The following SERPINA3 variants were observed in gnomAD, a reference collection of about 807,000 sequenced individuals.
The protein encoded by SERPINA3 is alpha-1-antichymotrypsin.
A neutral mutation model predicts 26.8 loss-of-function variants in SERPINA3; 32 were observed. That is an observed-to-expected ratio of 1.20 (90% CI 0.90 to 1.61). The LOEUF (loss-of-function observed/expected upper bound fraction) is 1.61. SERPINA3 is among the 40% of genes most tolerant of loss of function. The probability of loss-of-function intolerance (pLI) is 0.00; values close to 1 mark genes in which losing one functional copy is unlikely to be tolerated. For missense variants in SERPINA3, 632 were observed against 517.9 expected, an observed-to-expected ratio of 1.22 and a Z score of -2.14; for synonymous variants, 252 against 206.4, an observed-to-expected ratio of 1.22 and a Z score of -1.89.
chr14:94,617,705 C>T (rs1303795260), intron 2 of SERPINA3: 3 of 152,086 alleles, frequency 2.0e-5, no homozygotes, highest in South Asian at 4.1e-4. Flanking sequence ...AAAGTAAAGC[C>T]GTTTGTGACT....
At position 94,614,556 on chromosome 14, in the gene SERPINA3, C is replaced by A. The variant is rs1434956662; in HGVS notation, c.115C>A (p.Gln39Lys). The change falls in exon 2 of 5, where the codon CAA becomes AAA. Residue 39 changes from glutamine to lysine, a missense_variant. Coordinates refer to ENST00000393078, the MANE Select transcript of SERPINA3 (RefSeq NM_001085.5). ...LDEENLTQEN[Q>K]DRGTHVDLGL... ...CGAGGAGAATCTGACCCAGGAGAAC[C>A]AAGACCGAGGGACACACGTGGACCT... 1 of 1,614,024 alleles carries A rather than the reference C, an allele frequency of 6.2e-7. No individual in the cohort carries two copies. Among genetic ancestry groups the A allele is most frequent in the African/African-American group, 1.3e-5 (1 of 74,904 alleles).
In SERPINA3 at chr14:94,623,823, A is replaced by G. The variant is rs1886297170; in HGVS notation, c.*9A>G. 1.9e-6 allele frequency: 3 copies of G among 1,611,992 alleles called. No homozygotes were observed. The highest frequency in any genetic ancestry group is 1.7e-5 in the Admixed American group (1 of 59,994). ...ATCCCAAGCAAGCCTAGAGCTTGCC[A>G]TCAAGCAGTGGGGCTCTCAGTAAGG... On this transcript the variant is annotated 3_prime_UTR_variant, in exon 5 of 5. Transcript: ENST00000393078.
intron 3 of SERPINA3, chr14:94,620,043 T>C (rs1477635392): frequency 1.9e-5 from 5 of 258,538 alleles, no homozygotes; most frequent in Non-Finnish European, 2.9e-5. Flanking sequence ...TTACGTGATA[T>C]ATTAGAAGGT....
At chr14:94,622,637 C>G (rs539954201) in intron 4 of SERPINA3, 146 bp downstream of exon 4, 21 of 871,066 alleles carry the variant, frequency 2.4e-5, no homozygotes, top group Non-Finnish European at 3.9e-5. Flanking sequence ...CACCCCCAAG[C>G]CAAGAAGAGC....
chr14:94,622,684 T>C, intron 4 of SERPINA3, 193 bp downstream of exon 4: 1 of 660,162 alleles, frequency 1.5e-6, no homozygotes, highest in Non-Finnish European at 2.7e-6. Context: ...GTGTTAGGGG[T>C]TGAGCCTCTA....
chr14:94,623,123 G>A (rs1452114299), intron 4 of SERPINA3, among the ~76,000 whole-genome samples: 2 of 152,220 alleles, frequency 1.3e-5, no homozygotes, highest in Non-Finnish European at 2.9e-5. Context: ...AGGAATTCAA[G>A]GCCATGAAAA....
Position 94,614,494 on chromosome 14 carries a change from G to A in SERPINA3, c.53G>A (p.Cys18Tyr), listed in dbSNP as rs1885905769. Residue 18 changes from cysteine to tyrosine, a missense_variant, in exon 2 of 5, where the codon TGC becomes TAC. Physicochemically the swap from Cys to Tyr is radical, Grantham distance 194. Coordinates refer to ENST00000393078, the MANE Select transcript of SERPINA3 (RefSeq NM_001085.5). The stretch of plus-strand genomic sequence containing the variant: ...CTGGGGCTCTTGGCGGCTGGGTTCT[G>A]CCCTGCTGTCCTCTGCCACCCTAAC... ...LALGLLAAGF[C>Y]PAVLCHPNSP... 1.2e-6 allele frequency: 2 copies of A among 1,614,040 alleles called. No homozygotes were observed. The highest frequency in any genetic ancestry group is 1.7e-6 in the Non-Finnish European group (2 of 1,179,970).
At chr14:94,619,520 A>G (rs1159526546) in intron 3 of SERPINA3, 52 bp downstream of exon 3, 1 of 1,608,558 alleles carries the variant, frequency 6.2e-7, no homozygotes, top group Admixed American at 1.7e-5. Flanking sequence ...TCAAGGTCTC[A>G]CCAATGTCCA....
intron 3 of SERPINA3, among the ~76,000 whole-genome samples, chr14:94,620,443 A>G (rs1886158713): frequency 6.6e-6 from 1 of 152,188 alleles, no homozygotes; most frequent in Non-Finnish European, 1.5e-5. Context: ...AGGAGTCCCC[A>G]AAGGGGTGGA....
intron 4 of SERPINA3, among the ~76,000 whole-genome samples, chr14:94,623,386 TG>T (rs903515788): frequency 3.9e-5 from 6 of 152,218 alleles, no homozygotes; most frequent in Non-Finnish European, 8.8e-5. Flanking sequence ...TCGATGGCTC[TG>T]GGCAAATCAT....
Position 94,623,994 on chromosome 14 carries a change from A to G in SERPINA3, c.*180A>G. On this transcript the variant is annotated 3_prime_UTR_variant, in exon 5 of 5. Transcript: ENST00000393078. ...GTAGCTCTCACATGCACAGGGGCCC[A>G]TGGACTCTTCAGTCTGGAGGGTCCT... The G allele has an allele frequency of 3.0e-6, 2 of 667,646 alleles. No individual in the cohort carries two copies. Among genetic ancestry groups the G allele is most frequent in the Non-Finnish European group, 5.4e-6 (2 of 371,426 alleles). 41.4% of individuals were successfully genotyped at this position (667,646 alleles called of 1,614,324 possible).
rs867505258 is a variant in SERPINA3 at position 94,624,047 on chromosome 14, C to T, written c.*233C>T. The T allele has an allele frequency of 2.1e-5, 12 of 578,304 alleles. 1 individual carries two copies. The highest frequency in any genetic ancestry group is 5.9e-5 in the Admixed American group (2 of 33,630). 35.8% of individuals were successfully genotyped at this position (578,304 alleles called of 1,614,324 possible). A position where few individuals can be genotyped will look rare whatever the true frequency, so the allele number is the denominator to read the frequency against. On this transcript the variant is annotated 3_prime_UTR_variant, in exon 5 of 5. Transcript: ENST00000393078. ...GCCTCCTGACAGCAATAAATAATTTCGTTGGACACGTTGCTTGTGCCTTTC... is the reference window on the plus strand; with the variant it reads ...GCCTCCTGACAGCAATAAATAATTTTGTTGGACACGTTGCTTGTGCCTTTC...
rs115413562 is a variant in SERPINA3, at chr14:94,619,295, C to T, written c.744C>T (p.His248=). The part of the protein sequence containing the change: ...WVMVPMMSLH[H]LTIPYFRDEE... ...TGGTGCCCATGATGAGTTTGCATCACCTGACTATACCTTACTTCCGGGACG... is the reference window on the plus strand; with the variant it reads ...TGGTGCCCATGATGAGTTTGCATCATCTGACTATACCTTACTTCCGGGACG... The change falls in exon 3 of 5, where the codon CAC becomes CAT. Residue 248 remains histidine, a synonymous_variant. Transcript: ENST00000393078. 4.6e-4 allele frequency: 749 copies of T among 1,614,194 alleles called. 2 individuals carry two copies. The African/African-American group carries it at 6.2e-3, about 13-fold the overall frequency.
At chr14:94,622,656 A>G in intron 4 of SERPINA3, 165 bp downstream of exon 4, 1 of 748,200 alleles carries the variant, frequency 1.3e-6, no homozygotes, top group Non-Finnish European at 2.3e-6. Flanking sequence ...GCTAGGTTAC[A>G]GCCCAGCTCC....
At chr14:94,619,731 A>G (rs2139961537) in intron 3 of SERPINA3, 1 of 534,918 alleles carries the variant, frequency 1.9e-6, no homozygotes, top group Non-Finnish European at 3.4e-6. Context: ...CACAGTCCCA[A>G]ACACTCATGC....
rs894764655 is a variant in SERPINA3 at position 94,612,613 on chromosome 14, C to T, written c.-9+166C>T. 3.3e-5 allele frequency among the ~76,000 whole-genome samples: 5 copies of T among 152,306 alleles called. No individual in the cohort carries two copies. In the South Asian group the frequency reaches 1.0e-3, roughly 32 times the overall value. On this transcript the variant is annotated intron_variant, in intron 1 of 4. Coordinates refer to ENST00000393078, the MANE Select transcript of SERPINA3 (RefSeq NM_001085.5). ...TCTGTTCTTGGCTGCCACTGATTCC[C>T]TGTGCCTTTTTTAGAGGCATCCTCT... is the stretch of plus-strand genomic sequence containing the variant.
chr14:94,614,903 G>T lies in SERPINA3; in HGVS notation c.462G>T (p.Thr154=). 1.2e-6 allele frequency: 2 copies of T among 1,614,150 alleles called. No homozygotes were observed. The highest frequency in any genetic ancestry group is 1.7e-6 in the Non-Finnish European group (2 of 1,179,998). The change falls in exon 2 of 5, where the codon ACG becomes ACT. Residue 154 remains threonine (T), a synonymous_variant. Coordinates refer to ENST00000393078, the MANE Select transcript of SERPINA3 (RefSeq NM_001085.5). The part of the protein sequence containing the change: ...KEQLSLLDRF[T]EDAKRLYGSE... ...AACTCAGTCTGCTGGACAGGTTCAC[G>T]GAGGATGCCAAGAGGCTGTATGGCT...
At chr14:94,619,707 T>G (rs1886132055) in intron 3 of SERPINA3, 1 of 572,334 alleles carries the variant, frequency 1.7e-6, no homozygotes, top group Non-Finnish European at 3.1e-6. Context: ...TTCTAAGTCA[T>G]GAGAAATCTT....
intron 3 of SERPINA3, among the ~76,000 whole-genome samples, chr14:94,620,566 A>C (rs1463603880): frequency 6.6e-6 from 1 of 152,184 alleles, no homozygotes; most frequent in African/African-American, 2.4e-5. Context: ...GTGTTGTTTT[A>C]AAAGACTAAT....
Sources: gnomAD v4.1 joint callset for allele counts (sites outside exome capture counted in the v4.1 genomes callset) on GRCh38, gnomAD v4.1.1 for gene constraint, MANE v1.5 for transcripts, NCBI Gene and HGNC (gene_info 2026-07-23, HGNC 2026-07-21) for gene names.